The following RO60 variants were observed in gnomAD, a reference collection of about 807,000 sequenced individuals.
The protein encoded by RO60 is Ro60, Y RNA binding protein.
RO60 carries 20 observed loss-of-function variants against 55.3 expected under a neutral mutation model. The observed-to-expected ratio is 0.36, with a 90% CI of 0.25 to 0.53. The LOEUF is 0.53. Among genes scored for constraint, RO60 ranks in the 20% least tolerant of loss-of-function variants. The pLI is 0.92. For synonymous variants in RO60, 213 were observed against 213.6 expected, an observed-to-expected ratio of 1.00 and a Z score of 0.02; for missense variants, 558 against 646.6, an observed-to-expected ratio of 0.86 and a Z score of 1.49.
At chr1:193,073,712 T>TA (rs1462018282) in intron 2 of RO60, among the ~76,000 whole-genome samples, 17 of 152,222 alleles carry the variant, frequency 1.1e-4, no homozygotes, top group African/African-American at 4.1e-4. Flanking sequence ...TAGCTGGTAT[T>TA]ACAGGCATGT....
At position 193,088,810 on chromosome 1, in the gene RO60, A is replaced by C. The variant is rs1674735598; in HGVS notation, c.*4079A>C. The C allele has an allele frequency of 6.6e-6, 1 of 152,180 alleles. No homozygotes were observed. Among genetic ancestry groups the C allele is most frequent in the Non-Finnish European group, 1.5e-5 (1 of 68,012 alleles). The allele number at this position is 152,180 out of a possible 1,614,324, so 9.4% of individuals were successfully genotyped here. A position where few individuals can be genotyped will look rare whatever the true frequency, so the allele number is the denominator to read the frequency against. ...TGTATTTACTGTTTGGATTTTATTT[A>C]GTGTTTCCTTGATGTCTGTTTCCTC... On this transcript the variant is annotated 3_prime_UTR_variant, in exon 9 of 9. Transcript: ENST00000400968.
chr1:193,081,267 C>T (rs1462117933), intron 5 of RO60, 97 bp from the exon 6 acceptor site: 3 of 617,162 alleles, frequency 4.9e-6, no homozygotes, highest in South Asian at 2.6e-5. Flanking sequence ...GGCCTTTTAT[C>T]AGTCTTTTTA....
At chr1:193,067,666 C>T (rs1673208423) in intron 1 of RO60, among the ~76,000 whole-genome samples, 1 of 152,138 alleles carries the variant, frequency 6.6e-6, no homozygotes, top group South Asian at 2.1e-4. Context: ...AACAGTGATA[C>T]TGTAGTAACA....
chr1:193,060,086 A>G (rs1428591990), intron 1 of RO60: 2 of 1,264,626 alleles, frequency 1.6e-6, no homozygotes, highest in African/African-American at 3.1e-5. Flanking sequence ...GGCCTGCTTT[A>G]CTCCTCCTCT....
chr1:193,073,336 T>C (rs1052747145), intron 2 of RO60, among the ~76,000 whole-genome samples: 1 of 152,226 alleles, frequency 6.6e-6, no homozygotes, highest in African/African-American at 2.4e-5. Flanking sequence ...AATAACATAA[T>C]AGGCTCAGTT....
intron 1 of RO60, among the ~76,000 whole-genome samples, chr1:193,067,437 G>A (rs1320437100): frequency 1.3e-5 from 2 of 151,692 alleles, no homozygotes; most frequent in African/African-American, 4.8e-5. Flanking sequence ...CGCCCGTCTC[G>A]GCCTCCCAAA....
chr1:193,063,528 T>C (rs186690780), intron 1 of RO60, among the ~76,000 whole-genome samples: 12 of 152,342 alleles, frequency 7.9e-5, no homozygotes, highest in Admixed American at 5.9e-4. Context: ...ACTTTCTTGA[T>C]GGTGTCCTTG....
chr1:193,061,906 C>T (rs1672785222), intron 1 of RO60, among the ~76,000 whole-genome samples: 2 of 151,694 alleles, frequency 1.3e-5, no homozygotes, highest in African/African-American at 4.8e-5. Context: ...ATCGCTTGAA[C>T]TCGGAGGGCG....
chr1:193,085,418 G>A lies in RO60; in HGVS notation c.*687G>A. ...ACCCCTAAGAATAGACTAAGTTTGT[G>A]TTGGCTGAGGGATTCTATTTGGTTT... is the stretch of plus-strand genomic sequence containing the variant. On this transcript the variant is annotated 3_prime_UTR_variant, in exon 9 of 9. Transcript: ENST00000400968. 1 of 984,386 alleles carries A rather than the reference G, an allele frequency of 1.0e-6. No individual in the cohort carries two copies. Among genetic ancestry groups the A allele is most frequent in the East Asian group, 1.1e-4 (1 of 8,840 alleles). The allele number at this position is 984,386 out of a possible 1,614,324, so 61.0% of individuals were successfully genotyped here.
At chr1:193,068,917 T>TA in intron 1 of RO60, 117 bp from the exon 2 acceptor site, 1 of 695,544 alleles carries the variant, frequency 1.4e-6, no homozygotes, top group Non-Finnish European at 2.3e-6. Context: ...CTATGGAACT[T>TA]AAAAGATGTT....
chr1:193,060,340 A>G, intron 1 of RO60: 1 of 274,672 alleles, frequency 3.6e-6, no homozygotes, highest in South Asian at 3.7e-5. Context: ...CTAAAACTGG[A>G]TGATGAGTTA....
intron 8 of RO60, among the ~76,000 whole-genome samples, chr1:193,083,169 G>A (rs530403740): frequency 1.3e-5 from 2 of 152,290 alleles, no homozygotes; most frequent in South Asian, 4.1e-4. Flanking sequence ...AAAAAGTATT[G>A]ATTACACACA....
chr1:193,061,947 A>G (rs1351774300), intron 1 of RO60, among the ~76,000 whole-genome samples: 7 of 151,346 alleles, frequency 4.6e-5, no homozygotes, highest in South Asian at 2.1e-4. Context: ...TCGCGCCACT[A>G]CACTCCAGCC....
At chr1:193,060,146 C>T in intron 1 of RO60, 1 of 1,182,936 alleles carries the variant, frequency 8.5e-7, no homozygotes, top group Non-Finnish European at 1.1e-6. Context: ...CGCCCGGGAT[C>T]TGGGTTTTGG....
chr1:193,078,232 A>G (rs1674064031), intron 5 of RO60, among the ~76,000 whole-genome samples: 1 of 152,200 alleles, frequency 6.6e-6, no homozygotes. Flanking sequence ...AAAACCACTA[A>G]ACCTGAAATG....
At chr1:193,081,174 AT>A (rs56240804) in intron 5 of RO60, among the ~76,000 whole-genome samples, 189 bp from the exon 6 acceptor site, 1 of 151,346 alleles carries the variant, frequency 6.6e-6, no homozygotes, top group East Asian at 1.9e-4. Context: ...TATTTTTATT[AT>A]TTTTTTTTAA....
rs1674753999 is a variant in RO60, at chr1:193,089,269, A to G, written c.*4538A>G. Reference sequence around the variant, plus strand: ...AATTAACTGATTACTCTTTCAGAAAATAGCAGGTGTCTCAATGCTTTTTTT... The same window carrying G: ...AATTAACTGATTACTCTTTCAGAAAGTAGCAGGTGTCTCAATGCTTTTTTT... On this transcript the variant is annotated 3_prime_UTR_variant, in exon 9 of 9. Transcript: ENST00000400968. 6.6e-6 allele frequency: 1 copy of G among 152,204 alleles called. No homozygotes were observed. Among genetic ancestry groups the G allele is most frequent in the African/African-American group, 2.4e-5 (1 of 41,470 alleles). The allele number at this position is 152,204 out of a possible 1,614,324, so 9.4% of individuals were successfully genotyped here. A position where few individuals can be genotyped will look rare whatever the true frequency, so the allele number is the denominator to read the frequency against.
In RO60 at chr1:193,089,305, A is replaced by G. The variant is rs905176483; in HGVS notation, c.*4574A>G. 6.6e-6 allele frequency: 1 copy of G among 152,192 alleles called. No homozygotes were observed. The highest frequency in any genetic ancestry group is 6.5e-5 in the Admixed American group (1 of 15,276). The allele number at this position is 152,192 out of a possible 1,614,324, so 9.4% of individuals were successfully genotyped here. ...CTCAATGCTTTTTTTCCATAATTAT[A>G]AAGACCATTGTCAAAATCTTTGGTT... On this transcript the variant is annotated 3_prime_UTR_variant, in exon 9 of 9. Coordinates refer to ENST00000400968, the MANE Select transcript of RO60 (RefSeq NM_001173524.2).
At chr1:193,080,847 C>T (rs1052816976) in intron 5 of RO60, among the ~76,000 whole-genome samples, 1 of 152,072 alleles carries the variant, frequency 6.6e-6, no homozygotes, top group Non-Finnish European at 1.5e-5. Context: ...TAGAAGTTGC[C>T]AGGGGCTAGG....
Sources: gnomAD v4.1 joint callset for allele counts (sites outside exome capture counted in the v4.1 genomes callset) on GRCh38, gnomAD v4.1.1 for gene constraint, MANE v1.5 for transcripts, NCBI Gene and HGNC (gene_info 2026-07-23, HGNC 2026-07-21) for gene names.